The following KIF26B variants were observed in gnomAD, a reference collection of about 807,000 sequenced individuals.
The protein encoded by KIF26B is kinesin-like protein KIF26B.
Under a neutral mutation model 151.2 loss-of-function variants are expected in KIF26B, and 63 were observed. The ratio of observed to expected loss-of-function variants is 0.42; its 90% confidence interval spans 0.34 to 0.51. The LOEUF is 0.51. Among genes scored for constraint, KIF26B ranks in the 20% least tolerant of loss-of-function variants. The pLI is 0.07. For missense variants in KIF26B, 2,813 were observed against 2,913.6 expected (o/e 0.97, Z 0.79); for synonymous variants, 1,357 against 1,262.1 (o/e 1.08, Z -1.59).
intron 2 of KIF26B, among the ~76,000 whole-genome samples, chr1:245,342,384 C>G (rs1300202858): frequency 1.3e-5 from 2 of 152,018 alleles, no homozygotes; most frequent in East Asian, 3.9e-4. Flanking sequence ...TTCACTTTTG[C>G]AAAAAGTATG....
chr1:245,507,185 G>T (rs911818247), intron 4 of KIF26B, among the ~76,000 whole-genome samples: 5 of 152,182 alleles, frequency 3.3e-5, no homozygotes, highest in Admixed American at 2.6e-4. Context: ...ATCAGCAGAG[G>T]TCAGTGTATG....
At chr1:245,237,591 A>G (rs1670135515) in intron 2 of KIF26B, among the ~76,000 whole-genome samples, 1 of 152,148 alleles carries the variant, frequency 6.6e-6, no homozygotes, top group Non-Finnish European at 1.5e-5. Context: ...AAAAGCCTTT[A>G]TGGGAGCTCC....
Position 245,564,674 on chromosome 1 carries a change from G to A in KIF26B, c.1350+23724G>A, listed in dbSNP as rs993449996. Among the ~76,000 whole-genome samples the A allele has an allele frequency of 5.9e-5, 9 of 152,102 alleles. No homozygotes were observed. Among genetic ancestry groups the A allele is most frequent in the Non-Finnish European group, 8.8e-5 (6 of 68,020 alleles). On this transcript the variant is annotated intron_variant, in intron 5 of 14. Transcript: ENST00000407071. This position sits in a 1 kb window ranked among gnomAD's most constrained non-coding sequence, Gnocchi z 4.6. ...AGACTCGAGGGAATGTTTTCCTTCC[G>A]GAACAACATTATAAAGCAGCAGCCC...
chr1:245,433,264 A>T (rs1658823501), intron 4 of KIF26B, among the ~76,000 whole-genome samples: 2 of 151,622 alleles, frequency 1.3e-5, no homozygotes, highest in Admixed American at 1.3e-4. Flanking sequence ...AGGAGTTCAA[A>T]ACCAGCCTGG....
chr1:245,609,620 A>G, intron 8 of KIF26B, 92 bp downstream of exon 8: 1 of 1,345,314 alleles, frequency 7.4e-7, no homozygotes, highest in South Asian at 1.7e-5. Flanking sequence ...CTGAACCTGT[A>G]AACTCAGAGG....
At chr1:245,235,864 A>C (rs1049492832) in intron 2 of KIF26B, among the ~76,000 whole-genome samples, 1 of 152,096 alleles carries the variant, frequency 6.6e-6, no homozygotes, top group African/African-American at 2.4e-5. Flanking sequence ...AGTTAGAATA[A>C]ACAGTGCTTA....
chr1:245,461,904 A>G (rs1659657099), intron 4 of KIF26B, among the ~76,000 whole-genome samples: 1 of 152,160 alleles, frequency 6.6e-6, no homozygotes, highest in African/African-American at 2.4e-5. Flanking sequence ...GCCTGAGGCT[A>G]GAAGTTTGAG....
At chr1:245,684,208 C>T (rs1312790017) in intron 10 of KIF26B, 25 bp from the exon 11 acceptor site, 4 of 1,601,186 alleles carry the variant, frequency 2.5e-6, no homozygotes, top group Non-Finnish European at 2.6e-6. Flanking sequence ...GCCGCTAATG[C>T]AGCCTAATTC....
At chr1:245,570,129 G>A (rs2043053180) in intron 5 of KIF26B, among the ~76,000 whole-genome samples, 1 of 151,376 alleles carries the variant, frequency 6.6e-6, no homozygotes, top group Non-Finnish European at 1.5e-5. Flanking sequence ...GTAGAGACGG[G>A]GTTTCATCGT....
intron 10 of KIF26B, among the ~76,000 whole-genome samples, chr1:245,655,054 T>C (rs1375095669): frequency 6.6e-6 from 1 of 152,208 alleles, no homozygotes; most frequent in Non-Finnish European, 1.5e-5. Flanking sequence ...CAGAGAAGTA[T>C]GTGTGGTGGA....
chr1:245,520,945 G>A (rs577775864), intron 4 of KIF26B, among the ~76,000 whole-genome samples: 1 of 152,276 alleles, frequency 6.6e-6, no homozygotes, highest in African/African-American at 2.4e-5. Context: ...TAACATTGTA[G>A]GGTGTATTTT....
intron 2 of KIF26B, among the ~76,000 whole-genome samples, chr1:245,315,447 T>G (rs1461061859): frequency 4.7e-5 from 7 of 150,232 alleles, no homozygotes; most frequent in African/African-American, 1.5e-4. Flanking sequence ...AAAGGCCGGG[T>G]GCAGTGGCTC....
chr1:245,624,829 C>T (rs1333424379), intron 9 of KIF26B, among the ~76,000 whole-genome samples: 1 of 152,134 alleles, frequency 6.6e-6, no homozygotes, highest in Non-Finnish European at 1.5e-5. Flanking sequence ...AAAAAGGTTT[C>T]TTCTTATGCC....
At chr1:245,233,554 A>G (rs966787400) in intron 2 of KIF26B, among the ~76,000 whole-genome samples, 3 of 152,204 alleles carry the variant, frequency 2.0e-5, no homozygotes, top group South Asian at 2.1e-4. Context: ...ACTTGTATGT[A>G]CATAAAGTGT....
At chr1:245,190,525 G>A (rs1669084204) in intron 2 of KIF26B, among the ~76,000 whole-genome samples, 1 of 151,978 alleles carries the variant, frequency 6.6e-6, no homozygotes, top group African/African-American at 2.4e-5. Context: ...ATTTTCCCGG[G>A]AGTACCTTCT....
intron 9 of KIF26B, among the ~76,000 whole-genome samples, chr1:245,626,193 G>T (rs1381073774): frequency 6.6e-6 from 1 of 152,116 alleles, no homozygotes; most frequent in East Asian, 1.9e-4. Context: ...ATAAATATAG[G>T]GGTACAGGTA....
chr1:245,233,236 A>G (rs1450437498), intron 2 of KIF26B, among the ~76,000 whole-genome samples: 1 of 152,250 alleles, frequency 6.6e-6, no homozygotes, highest in East Asian at 1.9e-4. Flanking sequence ...ATGATTCTGT[A>G]GAATTTGCCT....
intron 2 of KIF26B, among the ~76,000 whole-genome samples, chr1:245,265,033 A>G (rs1380443983): frequency 1.3e-5 from 2 of 151,460 alleles, no homozygotes; most frequent in Non-Finnish European, 2.9e-5. Context: ...CCCCGTCTCT[A>G]CTAAAAATAC....
chr1:245,314,344 C>G (rs546022414), intron 2 of KIF26B, among the ~76,000 whole-genome samples: 1 of 151,958 alleles, frequency 6.6e-6, no homozygotes, highest in African/African-American at 2.4e-5. Flanking sequence ...CCCAGCTACT[C>G]GGGAGGCCGA....
Sources: allele counts gnomAD v4.1 joint callset (sites outside exome capture counted in the v4.1 genomes callset), GRCh38; gene constraint gnomAD v4.1.1; non-coding constraint Gnocchi (gnomAD v3.1); transcripts MANE v1.5; gene names NCBI Gene and HGNC (gene_info 2026-07-23, HGNC 2026-07-21).